RYR3: variants seen among roughly 807,000 people sequenced by gnomAD.
The protein encoded by RYR3 is brain ryanodine receptor-calcium release channel.
A neutral mutation model predicts 584.3 loss-of-function variants in RYR3; 207 were observed. The observed-to-expected ratio is 0.35, with a 90% CI of 0.32 to 0.40. RYR3 has a LOEUF of 0.40. Among genes scored for constraint, RYR3 ranks in the 10% least tolerant of loss-of-function variants. The probability of loss-of-function intolerance (pLI) is 1.00; values close to 1 mark genes in which losing one functional copy is unlikely to be tolerated. For synonymous variants in RYR3, 2,416 were observed against 2,248.5 expected, an observed-to-expected ratio of 1.07 and a Z score of -2.11; for missense variants, 5,616 against 6,089.2, an observed-to-expected ratio of 0.92 and a Z score of 2.59.
At chr15:33,627,112 C>T (rs1489388892) in intron 20 of RYR3, among the ~76,000 whole-genome samples, 3 of 152,150 alleles carry the variant, frequency 2.0e-5, no homozygotes, top group Non-Finnish European at 4.4e-5. Context: ...CTCGAGCATG[C>T]AGGTCCTCCT....
rs1315958803 is a variant in RYR3, at chr15:33,685,656, A to G, written c.5861-10562A>G. Among the ~76,000 whole-genome samples the G allele has an allele frequency of 2.6e-5, 4 of 152,238 alleles. No homozygotes were observed. The East Asian group carries it at 7.7e-4, about 29-fold the overall frequency. On this transcript the variant is annotated intron_variant, in intron 38 of 103. Coordinates refer to ENST00000634891, the MANE Select transcript of RYR3 (RefSeq NM_001036.6). ...GAATATACATTCTTCTCAGCACCAC[A>G]TTGCACTTATTCCAAAAGTGACCAC...
chr15:33,471,705 T>G (rs926260583), intron 1 of RYR3, among the ~76,000 whole-genome samples: 7 of 151,990 alleles, frequency 4.6e-5, no homozygotes, highest in Admixed American at 4.6e-4. Context: ...TTCTTTTTAC[T>G]GGTTAACTGT....
intron 27 of RYR3, among the ~76,000 whole-genome samples, chr15:33,642,658 GT>G (rs1167133878): frequency 6.6e-6 from 1 of 152,136 alleles, no homozygotes; most frequent in Non-Finnish European, 1.5e-5. Context: ...ATTTCCAAAG[GT>G]TCTTTATTTA....
chr15:33,685,581 A>C (rs562737189), intron 38 of RYR3, among the ~76,000 whole-genome samples: 9 of 152,362 alleles, frequency 5.9e-5, no homozygotes, highest in Admixed American at 3.9e-4. Context: ...TCAGCTCTGC[A>C]CCAAGCGTAC....
At chr15:33,585,193 A>C (rs533720292) in intron 15 of RYR3, among the ~76,000 whole-genome samples, 1 of 152,330 alleles carries the variant, frequency 6.6e-6, no homozygotes, top group South Asian at 2.1e-4. Context: ...GGTTCCCCCA[A>C]GGATCATCCA....
At position 33,581,647 on chromosome 15, in the gene RYR3, A is replaced by G. The variant is rs752704653; in HGVS notation, c.1573+4A>G. The stretch of plus-strand genomic sequence containing the variant: ...AACCTCCTCTACAAATTGCTGGGTA[A>G]GTACACATACAGTGCCTTCTCCCTG... On this transcript the variant is annotated splice_donor_region_variant and intron_variant, in intron 14 of 103. Coordinates refer to ENST00000634891, the MANE Select transcript of RYR3 (RefSeq NM_001036.6). The G allele has an allele frequency of 5.3e-5, 85 of 1,613,130 alleles. No homozygotes were observed. Among genetic ancestry groups the G allele is most frequent in the Non-Finnish European group, 6.7e-5 (79 of 1,179,246 alleles).
intron 2 of RYR3, among the ~76,000 whole-genome samples, chr15:33,474,691 T>C (rs949134215): frequency 1.3e-5 from 2 of 152,168 alleles, no homozygotes; most frequent in South Asian, 2.1e-4. Context: ...AGAACCTTTT[T>C]TAAAAAAACC....
At position 33,861,197 on chromosome 15, in the gene RYR3, CA is replaced by C; in HGVS notation, c.14465+23del. The C allele has an allele frequency of 6.5e-7, 1 of 1,539,988 alleles. No homozygotes were observed. The highest frequency in any genetic ancestry group is 1.2e-5 in the South Asian group (1 of 84,830). On this transcript the variant is annotated intron_variant, in intron 102 of 103. Coordinates refer to ENST00000634891, the MANE Select transcript of RYR3 (RefSeq NM_001036.6). ...ACTACTTGTGAGTATTCTTGGTTAA[CA>C]AAAGTAATGGCAGCTGTAGCGTAAA...
chr15:33,658,671 G>C (rs1387116822), intron 32 of RYR3, among the ~76,000 whole-genome samples: 1 of 152,232 alleles, frequency 6.6e-6, no homozygotes. Flanking sequence ...TGTGTGAGCA[G>C]ACTTTATGTA....
chr15:33,315,770 G>T (rs564954798), intron 1 of RYR3, among the ~76,000 whole-genome samples: 5 of 152,342 alleles, frequency 3.3e-5, no homozygotes, highest in African/African-American at 1.2e-4. Context: ...TCAGCAGTAG[G>T]GGGGTGGTGG....
chr15:33,630,121 T>TG (rs2061193063), intron 22 of RYR3, 78 bp downstream of exon 22: 1 of 765,968 alleles, frequency 1.3e-6, no homozygotes, highest in South Asian at 1.8e-5. Flanking sequence ...TGCAAAGATA[T>TG]GTCTCTTGCC....
chr15:33,833,427 C>G (rs1355273338), intron 86 of RYR3, among the ~76,000 whole-genome samples: 2 of 152,084 alleles, frequency 1.3e-5, no homozygotes, highest in African/African-American at 2.4e-5. Context: ...AAAAGAAACA[C>G]AAAACTAAGA....
Position 33,386,020 on chromosome 15 carries a change from T to A in RYR3, c.51+74924T>A, listed in dbSNP as rs578239480. On this transcript the variant is annotated intron_variant, in intron 1 of 103. Transcript: ENST00000634891. ...TGTGCCCAGCCTCTTTTCTTTTTTT[T>A]AAAACATGTTACTGTTATAAAATAA... Among the ~76,000 whole-genome samples the A allele has an allele frequency of 9.8e-5, 15 of 152,312 alleles. No homozygotes were observed. The East Asian group carries it at 2.5e-3, about 25-fold the overall frequency.
chr15:33,719,853 T>G (rs189415152), intron 43 of RYR3, among the ~76,000 whole-genome samples: 11 of 152,338 alleles, frequency 7.2e-5, no homozygotes, highest in Admixed American at 7.2e-4. Flanking sequence ...GTACAATGTC[T>G]TTCAACCTCT....
chr15:33,675,043 C>A (rs564813602), intron 38 of RYR3, among the ~76,000 whole-genome samples: 135 of 152,216 alleles, frequency 8.9e-4, no homozygotes, highest in African/African-American at 3.1e-3. Flanking sequence ...TGCAGTGAGC[C>A]GAGATAGTGC....
chr15:33,797,517 T>C (rs2075693744), intron 67 of RYR3, among the ~76,000 whole-genome samples: 1 of 152,212 alleles, frequency 6.6e-6, no homozygotes, highest in Non-Finnish European at 1.5e-5. Context: ...TGAGATGTTT[T>C]TCATTGCACT....
intron 1 of RYR3, among the ~76,000 whole-genome samples, chr15:33,427,751 CA>C (rs1349416246): frequency 6.6e-6 from 1 of 152,138 alleles, no homozygotes; most frequent in Admixed American, 6.5e-5. Flanking sequence ...GTAGAAAGAG[CA>C]GGTTGAGATT....
At chr15:33,631,438 G>A (rs1188799871) in intron 23 of RYR3, 145 bp downstream of exon 23, 97 of 585,514 alleles carry the variant, frequency 1.7e-4, no homozygotes, top group Non-Finnish European at 3.0e-5. Context: ...AGATGACACT[G>A]AAGCCCTCAG....
At chr15:33,561,944 C>T (rs1030767) in intron 10 of RYR3, among the ~76,000 whole-genome samples, 103,466 of 151,840 alleles carry the variant, frequency 0.68, 36,255 homozygotes, top group Middle Eastern at 0.79. Context: ...TGCAAATAGG[C>T]AACAGCCGTT....
Sources: gnomAD v4.1 joint callset for allele counts (sites outside exome capture counted in the v4.1 genomes callset) on GRCh38, gnomAD v4.1.1 for gene constraint, MANE v1.5 for transcripts, NCBI Gene and HGNC (gene_info 2026-07-23, HGNC 2026-07-21) for gene names.